FMO4: variants seen among roughly 807,000 people sequenced by gnomAD.
The protein encoded by FMO4 is dimethylaniline monooxygenase [N-oxide-forming] 4.
FMO4 carries 38 observed loss-of-function variants against 43.3 expected under a neutral mutation model. The ratio of observed to expected loss-of-function variants is 0.88; its 90% confidence interval spans 0.68 to 1.15. The LOEUF (loss-of-function observed/expected upper bound fraction) is 1.15, where lower values mean the gene tolerates loss of function less well. Among genes scored for constraint, FMO4 ranks in the 50% most tolerant of loss-of-function variants. The pLI, the probability that FMO4 is intolerant of heterozygous loss-of-function variation, is 0.00. For synonymous variants in FMO4, 224 were observed against 232.2 expected (o/e 0.96, Z 0.32); for missense variants, 631 against 663.3 (o/e 0.95, Z 0.54).
chr1:171,325,816 C>CTTTTTTTTTTT (rs1558037717), intron 5 of FMO4, among the ~76,000 whole-genome samples: 3 of 75,594 alleles, frequency 4.0e-5, no homozygotes, highest in African/African-American at 1.3e-4. Flanking sequence ...CATAGACTAT[C>CTTTTTTTTTTT]CTTTTTTTTT....
At chr1:171,321,172 T>C (rs754147483) in intron 3 of FMO4, among the ~76,000 whole-genome samples, 7 of 152,204 alleles carry the variant, frequency 4.6e-5, no homozygotes, top group Non-Finnish European at 5.9e-5. Context: ...GTTTACTTCT[T>C]CTATTCTAAA....
chr1:171,333,472 C>T (rs1052703605), intron 7 of FMO4, among the ~76,000 whole-genome samples: 1 of 152,082 alleles, frequency 6.6e-6, no homozygotes, highest in East Asian at 1.9e-4. Context: ...GATCTACCTG[C>T]CTCGGCCTCC....
At chr1:171,314,891 T>C (rs1302963706) in intron 1 of FMO4, among the ~76,000 whole-genome samples, 1 of 152,192 alleles carries the variant, frequency 6.6e-6, no homozygotes, top group Non-Finnish European at 1.5e-5. Context: ...CCATGTCTCA[T>C]AAAGGATTCC....
chr1:171,323,798 A>G (rs1020440570), intron 4 of FMO4, among the ~76,000 whole-genome samples: 2 of 152,218 alleles, frequency 1.3e-5, no homozygotes, highest in East Asian at 3.8e-4. Context: ...AAAAAAATCT[A>G]GATGTCTGAA....
intron 7 of FMO4, chr1:171,333,177 TTTG>T (rs565862338): frequency 4.1e-4 from 124 of 304,406 alleles, no homozygotes; most frequent in East Asian, 1.3e-3. Flanking sequence ...ATCACATATT[TTTG>T]TTGTTGTTGT....
intron 8 of FMO4, 45 bp downstream of exon 8, chr1:171,334,808 G>T (rs1663055241): frequency 4.4e-6 from 5 of 1,146,978 alleles, no homozygotes; most frequent in Non-Finnish European, 6.2e-6. Context: ...TCGTAAAATT[G>T]GTGCCCTGCC....
chr1:171,331,855 A>G lies in FMO4; in HGVS notation c.627+73A>G, dbSNP rs1293821753. 11 of 1,381,046 alleles carry G rather than the reference A, an allele frequency of 8.0e-6. No individual in the cohort carries two copies. The South Asian group carries it at 1.2e-4, about 15-fold the overall frequency. 85.5% of individuals were successfully genotyped at this position (1,381,046 alleles called of 1,614,324 possible). A position where few individuals can be genotyped will look rare whatever the true frequency, so the allele number is the denominator to read the frequency against. ...TGGCTGGAAAGAGATATTCAAAACT[A>G]TGAAGTACATTGGCCAATTGCTAAA... is the stretch of plus-strand genomic sequence containing the variant. On this transcript the variant is annotated intron_variant, in intron 6 of 9. Coordinates refer to ENST00000367749, the MANE Select transcript of FMO4 (RefSeq NM_002022.3).
At chr1:171,333,070 T>A in intron 7 of FMO4, 162 bp downstream of exon 7, 1 of 541,640 alleles carries the variant, frequency 1.8e-6, no homozygotes, top group Non-Finnish European at 3.2e-6. Context: ...CAGCAGTTTT[T>A]AAAATATATG....
Position 171,341,786 on chromosome 1 carries a change from G to A in FMO4, c.1624G>A (p.Asp542Asn). 6.2e-7 allele frequency: 1 copy of A among 1,613,866 alleles called. No homozygotes were observed. The highest frequency in any genetic ancestry group is 1.7e-5 in the Admixed American group (1 of 59,920). ...TTCACTTTTCTTGAAATTGGTGAGA[G>A]ATAAACTACAGGACAGAATGTCCCC... The part of the protein sequence containing the change: ...KSSLFLKLVR[D>N]KLQDRMSPYL... The change falls in exon 10 of 10, where the codon GAT (aspartate) becomes AAT (asparagine). Residue 542 changes from aspartate to asparagine, a missense_variant. Asp to Asn is a conservative substitution (Grantham distance 23, BLOSUM62 1). Transcript: ENST00000367749.
chr1:171,329,095 C>G (rs1393028038), intron 5 of FMO4, among the ~76,000 whole-genome samples: 1 of 152,182 alleles, frequency 6.6e-6, no homozygotes, highest in Non-Finnish European at 1.5e-5. Flanking sequence ...CTGCCATCCT[C>G]TCCCTCCGAA....
chr1:171,315,641 T>G (rs932564207), intron 1 of FMO4, among the ~76,000 whole-genome samples: 1 of 152,210 alleles, frequency 6.6e-6, no homozygotes, highest in Non-Finnish European at 1.5e-5. Flanking sequence ...TCCAGTTCAC[T>G]CACTACCTTC....
At position 171,331,699 on chromosome 1, in the gene FMO4, T is replaced by C; in HGVS notation, c.544T>C (p.Phe182Leu). Residue 182 changes from phenylalanine (F) to leucine (L), a missense_variant, in exon 6 of 10, where the codon TTT becomes CTT. Physicochemically the swap from Phe to Leu is conservative, Grantham distance 22. Coordinates refer to ENST00000367749, the MANE Select transcript of FMO4 (RefSeq NM_002022.3). ...HSQEYKIPEG[F>L]QGKRVLVIGL... ...TCAAGAGTACAAGATCCCAGAAGGC[T>C]TTCAGGGCAAACGCGTCTTGGTGAT... 1 of 1,613,658 alleles carries C rather than the reference T, an allele frequency of 6.2e-7. No homozygotes were observed. The highest frequency in any genetic ancestry group is 8.5e-7 in the Non-Finnish European group (1 of 1,179,580).
chr1:171,339,630 G>A (rs1663276185), intron 9 of FMO4, among the ~76,000 whole-genome samples: 1 of 152,296 alleles, frequency 6.6e-6, no homozygotes, highest in South Asian at 2.1e-4. Context: ...ATGCCAAGAA[G>A]GAACAGCTAG....
chr1:171,337,138 C>T (rs1280410993), intron 8 of FMO4, among the ~76,000 whole-genome samples: 1 of 152,158 alleles, frequency 6.6e-6, no homozygotes, highest in Non-Finnish European at 1.5e-5. Flanking sequence ...AGAGGCATCT[C>T]TCCTCACAAT....
chr1:171,339,594 T>C (rs1470844652), intron 9 of FMO4, among the ~76,000 whole-genome samples: 2 of 152,124 alleles, frequency 1.3e-5, no homozygotes, highest in East Asian at 1.9e-4. Context: ...TTGAGAAGTC[T>C]ATGATGAACT....
intron 9 of FMO4, among the ~76,000 whole-genome samples, chr1:171,339,047 G>A (rs1278463939): frequency 6.6e-6 from 1 of 152,146 alleles, no homozygotes; most frequent in African/African-American, 2.4e-5. Flanking sequence ...AAGTAAATAA[G>A]TAAGTTTACT....
chr1:171,327,925 A>C (rs1303509978), intron 5 of FMO4, among the ~76,000 whole-genome samples: 1 of 152,174 alleles, frequency 6.6e-6, no homozygotes, highest in Non-Finnish European at 1.5e-5. Flanking sequence ...TAAATAAGTA[A>C]ATTTGTTAAT....
At chr1:171,332,524 A>G (rs45587031) in intron 6 of FMO4, among the ~76,000 whole-genome samples, 185 bp from the exon 7 acceptor site, 404 of 152,296 alleles carry the variant, frequency 2.7e-3, no homozygotes, top group African/African-American at 9.3e-3. Flanking sequence ...CAGATCTAGT[A>G]AAGTGATTTT....
chr1:171,324,623 AG>A (rs1421480288), intron 5 of FMO4, among the ~76,000 whole-genome samples: 1 of 152,214 alleles, frequency 6.6e-6, no homozygotes, highest in Non-Finnish European at 1.5e-5. Flanking sequence ...ATTAAATTAC[AG>A]GTAATTTGAA....
Sources: gnomAD v4.1 joint callset for allele counts (sites outside exome capture counted in the v4.1 genomes callset) on GRCh38, gnomAD v4.1.1 for gene constraint, MANE v1.5 for transcripts, NCBI Gene and HGNC (gene_info 2026-07-23, HGNC 2026-07-21) for gene names.